PTPRZ1: variants seen among roughly 807,000 people sequenced by gnomAD.
The protein encoded by PTPRZ1 is receptor-type tyrosine-protein phosphatase zeta.
Under a neutral mutation model 214.1 loss-of-function variants are expected in PTPRZ1, and 82 were observed. That is an observed-to-expected ratio of 0.38 (90% CI 0.32 to 0.46). PTPRZ1 has a LOEUF of 0.46. Among genes scored for constraint, PTPRZ1 ranks in the 20% least tolerant of loss-of-function variants. The pLI is 1.00. For missense variants in PTPRZ1, 2,603 were observed against 2,748.7 expected, an observed-to-expected ratio of 0.95 and a Z score of 1.19; for synonymous variants, 945 against 987.9, an observed-to-expected ratio of 0.96 and a Z score of 0.81.
At chr7:121,901,981 T>C (rs1481905757) in intron 1 of PTPRZ1, among the ~76,000 whole-genome samples, 1 of 152,152 alleles carries the variant, frequency 6.6e-6, no homozygotes, top group Non-Finnish European at 1.5e-5. Flanking sequence ...ACTTTGTACC[T>C]GTTGGCCAAT....
At chr7:121,950,126 A>G (rs891689579) in intron 2 of PTPRZ1, among the ~76,000 whole-genome samples, 5 of 152,236 alleles carry the variant, frequency 3.3e-5, no homozygotes, top group Admixed American at 1.3e-4. Context: ...CACATCTTAC[A>G]TGGATGGTGG....
chr7:121,991,928 A>G (rs1797977166), intron 8 of PTPRZ1, among the ~76,000 whole-genome samples: 1 of 152,186 alleles, frequency 6.6e-6, no homozygotes, highest in African/African-American at 2.4e-5. Context: ...TGGGTCTGTA[A>G]GTCATTCAGC....
intron 17 of PTPRZ1, 146 bp downstream of exon 17, chr7:122,034,524 A>G (rs1283914385): frequency 7.8e-6 from 5 of 643,446 alleles, no homozygotes; most frequent in East Asian, 5.5e-5. Context: ...TGTGTTAGAT[A>G]ATATGTAGCA....
Position 121,968,004 on chromosome 7 carries a change from A to G in PTPRZ1, c.178A>G (p.Lys60Glu). The G allele has an allele frequency of 6.3e-7, 1 of 1,597,266 alleles. No individual in the cohort carries two copies. Among genetic ancestry groups the G allele is most frequent in the East Asian group, 2.2e-5 (1 of 44,518 alleles). ...GKKYPTCNSP[K>E]QSPINIDEDL... ...GAAATATCCAACATGTAATAGCCCA[A>G]AACAATCTCCTATCAATATTGATGA... Residue 60 changes from lysine to glutamate, a missense_variant, in exon 3 of 30, where the codon AAA becomes GAA. Physicochemically the swap from Lys to Glu is moderately conservative, Grantham distance 56. Around this residue, in one of 6 missense-constraint regions of PTPRZ1, gnomAD observed 141 missense variants for 143.7 expected, o/e 0.98. Transcript: ENST00000393386.
At chr7:121,945,496 C>T (rs757583412) in intron 2 of PTPRZ1, among the ~76,000 whole-genome samples, 4 of 152,018 alleles carry the variant, frequency 2.6e-5, no homozygotes, top group Non-Finnish European at 4.4e-5. Flanking sequence ...TTTGCAAATT[C>T]ATTTTTTTAT....
At chr7:121,947,034 G>A (rs889042306) in intron 2 of PTPRZ1, among the ~76,000 whole-genome samples, 11 of 152,060 alleles carry the variant, frequency 7.2e-5, no homozygotes, top group Non-Finnish European at 1.0e-4. Flanking sequence ...TATTATATTG[G>A]CAATATCTGA....
Position 121,984,196 on chromosome 7 carries a change from T to C in PTPRZ1, c.928+79T>C, listed in dbSNP as rs867932404. The C allele has an allele frequency of 6.1e-5, 76 of 1,250,344 alleles. No individual in the cohort carries two copies. The Middle Eastern group carries it at 2.2e-3, about 36-fold the overall frequency. The allele number at this position is 1,250,344 out of a possible 1,614,324, so 77.5% of individuals were successfully genotyped here. On this transcript the variant is annotated intron_variant, in intron 8 of 29. Coordinates refer to ENST00000393386, the MANE Select transcript of PTPRZ1 (RefSeq NM_002851.3). ...GGTAATTTTGGTAAACTGACAAATA[T>C]AGAGGACTTAGAGCTTTAGAAATGT...
intron 1 of PTPRZ1, among the ~76,000 whole-genome samples, chr7:121,917,100 C>A (rs1392248101): frequency 6.6e-6 from 1 of 152,148 alleles, no homozygotes; most frequent in Non-Finnish European, 1.5e-5. Context: ...AGTTTCCGCT[C>A]ACTTCAAATA....
chr7:121,917,465 C>G (rs530738211), intron 1 of PTPRZ1, among the ~76,000 whole-genome samples: 84 of 151,922 alleles, frequency 5.5e-4, no homozygotes, highest in African/African-American at 2.0e-3. Context: ...TAATTTATGA[C>G]CAAAAAAACA....
At chr7:122,019,958 G>A (rs1178933398) in intron 13 of PTPRZ1, among the ~76,000 whole-genome samples, 1 of 152,118 alleles carries the variant, frequency 6.6e-6, no homozygotes, top group Non-Finnish European at 1.5e-5. Flanking sequence ...GTATAACTGT[G>A]TCTGTTAGAA....
chr7:121,912,514 T>C (rs1396857101), intron 1 of PTPRZ1, among the ~76,000 whole-genome samples: 35 of 152,204 alleles, frequency 2.3e-4, no homozygotes. Context: ...CATTGAAATA[T>C]GACAGCTACC....
intron 12 of PTPRZ1, among the ~76,000 whole-genome samples, chr7:122,017,514 C>T (rs1798876986): frequency 6.7e-6 from 1 of 150,128 alleles, no homozygotes; most frequent in Non-Finnish European, 1.5e-5. Flanking sequence ...GTGTGTGTGC[C>T]ATTTATATTC....
chr7:121,950,287 G>C (rs117706598), intron 2 of PTPRZ1, among the ~76,000 whole-genome samples: 1 of 152,160 alleles, frequency 6.6e-6, no homozygotes, highest in Non-Finnish European at 1.5e-5. Flanking sequence ...CACAACACAT[G>C]GGAATTCAAG....
rs780993935 is a variant in PTPRZ1 at position 122,012,139 on chromosome 7, A to G, written c.3093A>G (p.Thr1031=). 1 of 1,613,836 alleles carries G rather than the reference A, an allele frequency of 6.2e-7. No homozygotes were observed. Among genetic ancestry groups the G allele is most frequent in the Non-Finnish European group, 8.5e-7 (1 of 1,179,742 alleles). Residue 1031 remains threonine, a synonymous_variant, in exon 12 of 30, where the codon ACA becomes ACG. Coordinates refer to ENST00000393386, the MANE Select transcript of PTPRZ1 (RefSeq NM_002851.3). ...PVSVAEFTYT[T]SVFGDDNKAL... ...CTGTAGCTGAATTTACATATACAAC[A>G]TCTGTGTTTGGTGATGATAATAAGG...
chr7:121,888,409 T>C (rs1794470531), intron 1 of PTPRZ1, among the ~76,000 whole-genome samples: 1 of 152,104 alleles, frequency 6.6e-6, no homozygotes, highest in Admixed American at 6.6e-5. Flanking sequence ...TCAAAGGTAG[T>C]GTTATGTTCA....
In PTPRZ1 at chr7:121,941,030, G is replaced by A. The variant is rs539245560; in HGVS notation, c.124+12809G>A. On this transcript the variant is annotated intron_variant, in intron 2 of 29. Coordinates refer to ENST00000393386, the MANE Select transcript of PTPRZ1 (RefSeq NM_002851.3). ...TGACTCTTCTTTTCTGCAGGCCAGAGCACATCCCTTGCTTTCATACACTGT... is the reference window on the plus strand; with the variant it reads ...TGACTCTTCTTTTCTGCAGGCCAGAACACATCCCTTGCTTTCATACACTGT... Among the ~76,000 whole-genome samples, 85 of 152,276 alleles carry A rather than the reference G, an allele frequency of 5.6e-4. 3 individuals carry two copies. The South Asian group carries it at 0.018, about 32-fold the overall frequency.
At chr7:122,038,619 T>C in intron 18 of PTPRZ1, 136 bp from the exon 19 acceptor site, 1 of 718,274 alleles carries the variant, frequency 1.4e-6, no homozygotes, top group Non-Finnish European at 2.1e-6. Context: ...CCATCAAATT[T>C]CTCCAACTTT....
At chr7:121,979,082 C>T (rs1298761102) in intron 6 of PTPRZ1, among the ~76,000 whole-genome samples, 5 of 147,570 alleles carry the variant, frequency 3.4e-5, no homozygotes, top group Non-Finnish European at 7.5e-5. Flanking sequence ...AAAAAAAAAA[C>T]ACCTTTTCAA....
At chr7:122,039,414 A>G (rs1410687324) in intron 19 of PTPRZ1, 40 bp from the exon 20 acceptor site, 1 of 1,601,894 alleles carries the variant, frequency 6.2e-7, no homozygotes, top group Admixed American at 1.7e-5. Context: ...TACATGGAGC[A>G]TTTGAAATAC....
Sources: allele counts gnomAD v4.1 joint callset (sites outside exome capture counted in the v4.1 genomes callset), GRCh38; gene constraint gnomAD v4.1.1; regional missense constraint gnomAD v4.1.1; transcripts MANE v1.5; gene names NCBI Gene and HGNC (gene_info 2026-07-23, HGNC 2026-07-21).